Variants in NAT1 observed in about 807,000 individuals in gnomAD.
NAT1 encodes the protein arylamine N-acetyltransferase 1.
For missense variants in NAT1, 400 were observed against 339.2 expected (o/e 1.18, Z -1.41); for synonymous variants, 144 against 122.6 (o/e 1.17, Z -1.16).
intron 2 of NAT1, among the ~76,000 whole-genome samples, chr8:18,199,833 G>T (rs1175063793): frequency 6.6e-6 from 1 of 152,124 alleles, no homozygotes; most frequent in Non-Finnish European, 1.5e-5. Context: ...AAAACAAACA[G>T]CCACATTAAA....
intron 1 of NAT1, among the ~76,000 whole-genome samples, chr8:18,215,336 C>A (rs6995875): frequency 5.6e-4 from 85 of 152,154 alleles, no homozygotes; most frequent in Non-Finnish European, 1.1e-3. Flanking sequence ...TCCTTGACTG[C>A]GTTCTATTTT....
intron 2 of NAT1, among the ~76,000 whole-genome samples, chr8:18,186,182 T>G (rs1698026381): frequency 6.6e-6 from 1 of 152,218 alleles, no homozygotes; most frequent in South Asian, 2.1e-4. Context: ...TGCTTTGATT[T>G]TATTAGCTAG....
At position 18,222,073 on chromosome 8, in the gene NAT1, G is replaced by T. The variant is rs772568722; in HGVS notation, c.26G>T (p.Arg9Ile). ...ATGGACATTGAAGCATATCTTGAAAGAATTGGCTATAAGAAGTCTAGGAAC... is the reference window on the plus strand; with the variant it reads ...ATGGACATTGAAGCATATCTTGAAATAATTGGCTATAAGAAGTCTAGGAAC... MDIEAYLE[R>I]IGYKKSRNKL... Residue 9 changes from arginine to isoleucine, a missense_variant, in exon 3 of 3, where the codon AGA becomes ATA. By Grantham distance (97) the Arg-to-Ile change is moderately conservative. Coordinates refer to ENST00000307719, the MANE Select transcript of NAT1 (RefSeq NM_000662.8). 5.0e-6 allele frequency: 8 copies of T among 1,613,628 alleles called. No individual in the cohort carries two copies. The highest frequency in any genetic ancestry group is 3.3e-5 in the Admixed American group (2 of 59,956).
intron 2 of NAT1, among the ~76,000 whole-genome samples, chr8:18,181,714 G>A (rs1475261297): frequency 6.6e-6 from 1 of 152,110 alleles, no homozygotes; most frequent in African/African-American, 2.4e-5. Context: ...GCTGCGGGTT[G>A]TCATATATAG....
At chr8:18,210,339 C>T (rs1481696715) in intron 1 of NAT1, among the ~76,000 whole-genome samples, 159 bp downstream of exon 1, 1 of 152,154 alleles carries the variant, frequency 6.6e-6, no homozygotes, top group African/African-American at 2.4e-5. Context: ...GTCACTACTC[C>T]ACAGCTTAGT....
In NAT1 at chr8:18,222,971, C is replaced by G. The variant is rs747543620; in HGVS notation, c.*51C>G. On this transcript the variant is annotated 3_prime_UTR_variant, in exon 3 of 3. Transcript: ENST00000307719. ...ATTTGTCATCCAGCTCACCAGTTAT[C>G]AACTGACGACCTATCATGTATCTTC... 1 of 1,455,706 alleles carries G rather than the reference C, an allele frequency of 6.9e-7. No individual in the cohort carries two copies. The highest frequency in any genetic ancestry group is 9.2e-7 in the Non-Finnish European group (1 of 1,092,384). The allele number at this position is 1,455,706 out of a possible 1,614,324, so 90.2% of individuals were successfully genotyped here. A position where few individuals can be genotyped will look rare whatever the true frequency, so the allele number is the denominator to read the frequency against.
chr8:18,172,971 G>T (rs17126282), intron 2 of NAT1, among the ~76,000 whole-genome samples: 1 of 151,850 alleles, frequency 6.6e-6, no homozygotes, highest in East Asian at 1.9e-4. Flanking sequence ...GAGGCTAGAC[G>T]CACACATTTT....
chr8:18,171,196 G>A (rs572198500), intron 2 of NAT1, among the ~76,000 whole-genome samples: 1 of 152,320 alleles, frequency 6.6e-6, no homozygotes, highest in Admixed American at 6.5e-5. Context: ...GATAGGTAGA[G>A]TTAGCCTTTC....
chr8:18,176,639 A>C (rs1056553123), intron 2 of NAT1, among the ~76,000 whole-genome samples: 9 of 150,606 alleles, frequency 6.0e-5, no homozygotes, highest in African/African-American at 2.2e-4. Context: ...TATTTTTGAA[A>C]TCAGGAAATG....
In NAT1 at chr8:18,222,310, T is replaced by C; in HGVS notation, c.263T>C (p.Met88Thr). The C allele has an allele frequency of 6.2e-7, 1 of 1,614,078 alleles. No homozygotes were observed. Among genetic ancestry groups the C allele is most frequent in the Non-Finnish European group, 8.5e-7 (1 of 1,179,998 alleles). The part of the protein sequence containing the change: ...ALTTIGFETT[M>T]LGGYVYSTPA... ...ACCACTATTGGTTTTGAGACCACGATGTTGGGAGGGTATGTTTACAGCACT... is the reference window on the plus strand; with the variant it reads ...ACCACTATTGGTTTTGAGACCACGACGTTGGGAGGGTATGTTTACAGCACT... The change falls in exon 3 of 3, where the codon ATG becomes ACG. Residue 88 changes from methionine to threonine, a missense_variant. Transcript: ENST00000307719.
chr8:18,198,384 A>G (rs995173965), intron 2 of NAT1, among the ~76,000 whole-genome samples: 1 of 152,206 alleles, frequency 6.6e-6, no homozygotes, highest in Admixed American at 6.5e-5. Context: ...TTCAACTACA[A>G]TAGTCCTTCC....
chr8:18,183,504 C>T (rs1434982237), intron 2 of NAT1, among the ~76,000 whole-genome samples: 1 of 152,038 alleles, frequency 6.6e-6, no homozygotes, highest in Non-Finnish European at 1.5e-5. Context: ...CAGAAGAAGC[C>T]GGCAGAAGAA....
At chr8:18,186,142 TA>T (rs201504029) in intron 2 of NAT1, among the ~76,000 whole-genome samples, 2 of 152,172 alleles carry the variant, frequency 1.3e-5, no homozygotes, top group Admixed American at 6.5e-5. Context: ...AGCCATGTTT[TA>T]AAAAAAATCT....
chr8:18,187,408 T>G (rs1334240035), intron 2 of NAT1, among the ~76,000 whole-genome samples: 1 of 152,226 alleles, frequency 6.6e-6, no homozygotes, highest in African/African-American at 2.4e-5. Context: ...GTATGTTCAT[T>G]GCAGCACTAT....
At chr8:18,205,618 T>C (rs1010047325), upstream of NAT1, among the ~76,000 whole-genome samples, 1 of 152,126 alleles carries the variant, frequency 6.6e-6, no homozygotes, top group Non-Finnish European at 1.5e-5. Context: ...GGTGCACACA[T>C]ACTCGCCTGC....
chr8:18,214,049 G>A (rs1207292356), intron 1 of NAT1, among the ~76,000 whole-genome samples: 2 of 151,978 alleles, frequency 1.3e-5, no homozygotes, highest in African/African-American at 2.4e-5. Context: ...TCCTGACCTC[G>A]TGATCCGCCC....
Position 18,181,342 on chromosome 8 carries a change from C to G in NAT1, n.92+10603C>G, listed in dbSNP as rs193067353. On this transcript the variant is annotated intron_variant and non_coding_transcript_variant, in intron 2 of 4. Coordinates refer to the NAT1 transcript ENST00000517441. The stretch of plus-strand genomic sequence containing the variant: ...TGGCTGAGTACAGATTCAACGCAAT[C>G]CCTATCAAAATAACCATGACATTCT... 4.8e-3 allele frequency among the ~76,000 whole-genome samples: 733 copies of G among 151,986 alleles called. 2 individuals are homozygous for G. Among genetic ancestry groups the G allele is most frequent in the Non-Finnish European group, 6.8e-3 (462 of 67,974 alleles).
intron 2 of NAT1, among the ~76,000 whole-genome samples, chr8:18,193,509 A>G (rs996386336): frequency 1.6e-5 from 2 of 123,664 alleles, no homozygotes; most frequent in African/African-American, 9.5e-5. Flanking sequence ...TATATATAAT[A>G]TATATATATA....
At chr8:18,213,928 C>T (rs960208889) in intron 1 of NAT1, among the ~76,000 whole-genome samples, 2 of 152,030 alleles carry the variant, frequency 1.3e-5, no homozygotes, top group African/African-American at 4.8e-5. Context: ...ATTCTCCTGC[C>T]TCAGCCTCCT....
Sources: allele counts gnomAD v4.1 joint callset (sites outside exome capture counted in the v4.1 genomes callset), GRCh38; gene constraint gnomAD v4.1.1; transcripts MANE v1.5; gene names NCBI Gene and HGNC (gene_info 2026-07-23, HGNC 2026-07-21).